The following SLCO1C1 variants were observed in gnomAD, a reference collection of about 807,000 sequenced individuals.
SLCO1C1 encodes solute carrier organic anion transporter family member 1C1, also known as OAT-RP-5.
SLCO1C1 carries 70 observed loss-of-function variants against 76.4 expected under a neutral mutation model. The observed-to-expected ratio is 0.92, with a 90% confidence interval of 0.76 to 1.12. SLCO1C1 has a LOEUF of 1.12. SLCO1C1 is among the 50% of genes most tolerant of loss of function. SLCO1C1 has a pLI of 0.00. For missense variants in SLCO1C1, 912 were observed against 823.8 expected (o/e 1.11, Z -1.31); for synonymous variants, 306 against 286.1 (o/e 1.07, Z -0.70).
rs1319711067 is a variant in SLCO1C1, at chr12:20,752,656, C to G, written c.*128C>G. 4 of 724,260 alleles carry G rather than the reference C, an allele frequency of 5.5e-6. No individual in the cohort carries two copies. The Admixed American group carries it at 9.6e-5, about 17-fold the overall frequency. The allele number at this position is 724,260 out of a possible 1,614,324, so 44.9% of individuals were successfully genotyped here. On this transcript the variant is annotated 3_prime_UTR_variant, in exon 15 of 15. Transcript: ENST00000266509. ...AAAAAATGTCTACTTTGTTTTGGTC[C>G]TAGGCATTAGGTAATATAACTGATA...
In SLCO1C1 at chr12:20,710,223, T is replaced by TTTTTTTTTTTTTC; in HGVS notation, c.405-1161_405-1160insTTTTTTTTTTCTT. On this transcript the variant is annotated intron_variant, in intron 4 of 14. Coordinates refer to ENST00000266509, the MANE Select transcript of SLCO1C1 (RefSeq NM_017435.5). ...TTCTTTTTTTTTTTTTTTTTTTTTT[T>TTTTTTTTTTTTTC]TTGAGATGGAGTCTCGCTCTGTCGC... Among the ~76,000 whole-genome samples, 2 of 133,776 alleles carry TTTTTTTTTTTTTC rather than the reference T, an allele frequency of 1.5e-5. 1 individual carries two copies. Among genetic ancestry groups the TTTTTTTTTTTTTC allele is most frequent in the Non-Finnish European group, 3.2e-5 (2 of 62,722 alleles). 87.8% of individuals were successfully genotyped at this position (133,776 alleles called of 152,430 possible).
chr12:20,712,633 T>C (rs1377183877), intron 5 of SLCO1C1, among the ~76,000 whole-genome samples: 1 of 152,180 alleles, frequency 6.6e-6, no homozygotes, highest in Non-Finnish European at 1.5e-5. Flanking sequence ...CTTTCTAAAA[T>C]TAATATATAC....
intron 4 of SLCO1C1, among the ~76,000 whole-genome samples, chr12:20,709,887 C>CAAAAAAAAAAAAAAAAAA (rs996552819): frequency 4.9e-4 from 1 of 2,024 alleles, no homozygotes; most frequent in African/African-American, 8.4e-4. Flanking sequence ...GACTCCGTCT[C>CAAAAAAAAAAAAAAAAAA]AAAAAAAAAA....
rs186641821 is a variant in SLCO1C1 at position 20,713,140 on chromosome 12, C to G, written c.529+1630C>G. ...TGTCGCCCAGGCTGGAGTGCAGTGG[C>G]GCGATCTCGGCTCACTGCAAGCTCC... On this transcript the variant is annotated intron_variant, in intron 5 of 14. Transcript: ENST00000266509. 3.4e-3 allele frequency among the ~76,000 whole-genome samples: 502 copies of G among 145,912 alleles called. 12 individuals carry two copies. The highest frequency in any genetic ancestry group is 0.034 in the East Asian group (165 of 4,896).
chr12:20,714,426 GATC>G (rs1272169260), intron 5 of SLCO1C1, among the ~76,000 whole-genome samples: 2 of 152,130 alleles, frequency 1.3e-5, no homozygotes, highest in African/African-American at 4.8e-5. Context: ...TAGTGCACAT[GATC>G]ATATTAAGAC....
At chr12:20,738,460 C>T (rs934554910) in intron 11 of SLCO1C1, among the ~76,000 whole-genome samples, 43 of 152,112 alleles carry the variant, frequency 2.8e-4, no homozygotes, top group African/African-American at 9.9e-4. Context: ...AATACTTAGG[C>T]TGTATATCCA....
chr12:20,715,866 G>T (rs1414708829), intron 6 of SLCO1C1, among the ~76,000 whole-genome samples: 1 of 152,126 alleles, frequency 6.6e-6, no homozygotes, highest in Non-Finnish European at 1.5e-5. Context: ...CTAAAAATCT[G>T]AAAAACCAAA....
chr12:20,722,348 A>G lies in SLCO1C1; in HGVS notation c.1021+299A>G, dbSNP rs193024744. On this transcript the variant is annotated intron_variant, in intron 8 of 14. Transcript: ENST00000266509. ...TTCCTGTAATTCTGTGTATACAGGA[A>G]ATAAAAGGCTTAATCTTCAAGGTTG... 1.4e-3 allele frequency among the ~76,000 whole-genome samples: 211 copies of G among 152,350 alleles called. No homozygotes were observed. The South Asian group carries it at 0.022, about 16-fold the overall frequency.
chr12:20,731,840 C>T (rs1017803022), intron 9 of SLCO1C1, among the ~76,000 whole-genome samples: 3 of 151,150 alleles, frequency 2.0e-5, no homozygotes, highest in Non-Finnish European at 4.4e-5. Flanking sequence ...CTTTGTAAAT[C>T]GAATGGATAG....
intron 9 of SLCO1C1, among the ~76,000 whole-genome samples, chr12:20,731,427 G>A (rs1344595806): frequency 6.6e-6 from 1 of 152,232 alleles, no homozygotes; most frequent in East Asian, 1.9e-4. Context: ...AAATTTGCAT[G>A]TCATTATCAC....
chr12:20,722,701 A>T (rs1194199949), intron 8 of SLCO1C1, among the ~76,000 whole-genome samples: 2 of 152,224 alleles, frequency 1.3e-5, no homozygotes, highest in Non-Finnish European at 2.9e-5. Flanking sequence ...ACCACAAGCT[A>T]AGTTTGAGGA....
At chr12:20,719,188 G>A (rs1379938703) in intron 7 of SLCO1C1, among the ~76,000 whole-genome samples, 1 of 151,582 alleles carries the variant, frequency 6.6e-6, no homozygotes, top group Non-Finnish European at 1.5e-5. Context: ...TATTGTAATT[G>A]TTTTGGGGCA....
chr12:20,706,151 T>C, intron 4 of SLCO1C1, 70 bp downstream of exon 4: 1 of 1,501,200 alleles, frequency 6.7e-7, no homozygotes, highest in South Asian at 1.4e-5. Context: ...ATGATGATTA[T>C]TAATTATGCA....
chr12:20,742,141 T>TG (rs1187680718), intron 12 of SLCO1C1, among the ~76,000 whole-genome samples: 1 of 152,194 alleles, frequency 6.6e-6, no homozygotes, highest in African/African-American at 2.4e-5. Flanking sequence ...AGCCTGAGTT[T>TG]GACAAAATGG....
Position 20,723,193 on chromosome 12 carries a change from C to A in SLCO1C1, c.1125C>A (p.Tyr375Ter). ...QFNSLFGMVT[Y>*]KPKYIEQQYG... ...ATTCTCTGTTCGGCATGGTGACGTACAAACCAAAGTACATTGAGCAGCAGT... is the reference window on the plus strand; with the variant it reads ...ATTCTCTGTTCGGCATGGTGACGTAAAAACCAAAGTACATTGAGCAGCAGT... Residue 375 changes from tyrosine (Y) to a stop codon, truncating the protein, a stop_gained, in exon 9 of 15, where the codon TAC becomes TAA. Transcript: ENST00000266509. LOFTEE classifies it high-confidence loss of function. 2.5e-6 allele frequency: 4 copies of A among 1,614,170 alleles called. 1 individual carries two copies. In the South Asian group the frequency reaches 4.4e-5, roughly 18 times the overall value.
At chr12:20,741,261 G>A (rs934517085) in intron 12 of SLCO1C1, among the ~76,000 whole-genome samples, 3 of 152,074 alleles carry the variant, frequency 2.0e-5, no homozygotes, top group Non-Finnish European at 2.9e-5. Flanking sequence ...TGAGATTTGG[G>A]AACAGAGAGC....
Position 20,711,418 on chromosome 12 carries a change from A to G in SLCO1C1, c.437A>G (p.Asn146Ser), listed in dbSNP as rs772875437. The G allele has an allele frequency of 6.2e-6, 10 of 1,613,552 alleles. No homozygotes were observed. The highest frequency in any genetic ancestry group is 2.2e-5 in the East Asian group (1 of 44,866). Reference protein sequence around the residue: ...YKYERYSPSSNSTLSISPCLL... With the variant: ...YKYERYSPSSSSTLSISPCLL... ...TATGAGAGATATTCTCCTTCCTCCA[A>G]TTCCACTCTCAGCATCTCTCCGTGT... The change falls in exon 5 of 15, where the codon AAT becomes AGT. Residue 146 changes from asparagine to serine, a missense_variant. Coordinates refer to ENST00000266509, the MANE Select transcript of SLCO1C1 (RefSeq NM_017435.5).
At chr12:20,712,292 G>A (rs759815651) in intron 5 of SLCO1C1, among the ~76,000 whole-genome samples, 63 of 152,270 alleles carry the variant, frequency 4.1e-4, no homozygotes, top group African/African-American at 1.5e-3. Context: ...GGCAATATGG[G>A]AATATTCTCT....
intron 6 of SLCO1C1, among the ~76,000 whole-genome samples, chr12:20,716,930 A>C (rs771879655): frequency 7.2e-5 from 11 of 152,190 alleles, no homozygotes; most frequent in Non-Finnish European, 1.5e-4. Context: ...TTAATGCCTT[A>C]AAATTGTTCA....
Sources: gnomAD v4.1 joint callset for allele counts (sites outside exome capture counted in the v4.1 genomes callset) on GRCh38, gnomAD v4.1.1 for gene constraint, MANE v1.5 for transcripts, NCBI Gene and HGNC (gene_info 2026-07-23, HGNC 2026-07-21) for gene names.